PREX1: variants seen among roughly 807,000 people sequenced by gnomAD.
The protein encoded by PREX1 is phosphatidylinositol 3,4,5-trisphosphate-dependent Rac exchanger 1 protein.
PREX1 carries 41 observed loss-of-function variants against 198.3 expected under a neutral mutation model. That is an observed-to-expected ratio of 0.21 (90% CI 0.16 to 0.27). The LOEUF (loss-of-function observed/expected upper bound fraction) is 0.27, where lower values mean the gene tolerates loss of function less well. PREX1 is among the 10% of genes least tolerant of loss of function. PREX1 has a pLI of 1.00. For synonymous variants in PREX1, 843 were observed against 887.2 expected (o/e 0.95, Z 0.89); for missense variants, 1,620 against 2,200.7 (o/e 0.74, Z 5.28).
At chr20:48,807,158 C>T (rs933577373) in intron 1 of PREX1, among the ~76,000 whole-genome samples, 1 of 152,086 alleles carries the variant, frequency 6.6e-6, no homozygotes, top group Non-Finnish European at 1.5e-5. Flanking sequence ...TGTAGCAATG[C>T]CAAAAAAGTA....
At chr20:48,725,945 A>G (rs953866692) in intron 5 of PREX1, among the ~76,000 whole-genome samples, 1 of 152,236 alleles carries the variant, frequency 6.6e-6, no homozygotes, top group Non-Finnish European at 1.5e-5. Flanking sequence ...CTCAGGCCCA[A>G]ACCATTTGGC....
intron 1 of PREX1, among the ~76,000 whole-genome samples, chr20:48,764,242 G>T (rs1047476914): frequency 1.3e-5 from 2 of 152,186 alleles, no homozygotes; most frequent in African/African-American, 4.8e-5. Context: ...GAACTTGCAG[G>T]ACAGAAAGGA....
chr20:48,635,412 A>G (rs181739771), intron 32 of PREX1, among the ~76,000 whole-genome samples: 64 of 152,230 alleles, frequency 4.2e-4, no homozygotes, highest in African/African-American at 1.5e-3. Context: ...CCCAAATTAT[A>G]TCACTCACCC....
intron 1 of PREX1, among the ~76,000 whole-genome samples, chr20:48,786,251 A>G (rs1452283159): frequency 1.3e-5 from 2 of 152,136 alleles, no homozygotes; most frequent in African/African-American, 4.8e-5. Context: ...TGGAGGACAA[A>G]TAAGCAACAA....
At chr20:48,775,097 C>T (rs920936735) in intron 1 of PREX1, among the ~76,000 whole-genome samples, 1 of 152,218 alleles carries the variant, frequency 6.6e-6, no homozygotes, top group African/African-American at 2.4e-5. Context: ...GCTCCTGCAT[C>T]CCTGACCACA....
At chr20:48,709,079 C>T (rs897328781) in intron 5 of PREX1, among the ~76,000 whole-genome samples, 2 of 152,106 alleles carry the variant, frequency 1.3e-5, no homozygotes, top group African/African-American at 4.8e-5. Context: ...TGGGACATTG[C>T]AAAGGCCAGG....
chr20:48,877,450 C>T, the PREX1 span, among the ~76,000 whole-genome samples: 8 of 152,152 alleles, frequency 5.3e-5, no homozygotes. Context: ...CAGTTAGATT[C>T]TAACTCAGTG....
chr20:48,862,793 A>ATT, the PREX1 span, among the ~76,000 whole-genome samples: 1 of 113,024 alleles, frequency 8.8e-6, no homozygotes, highest in Non-Finnish European at 2.0e-5. Flanking sequence ...AAAAAAAAAT[A>ATT]TATATATATA....
At chr20:48,818,355 T>C (rs1054732339) in intron 1 of PREX1, among the ~76,000 whole-genome samples, 3 of 152,312 alleles carry the variant, frequency 2.0e-5, no homozygotes, top group African/African-American at 7.2e-5. Context: ...TAAAACTTTA[T>C]GGGGAAAAAG....
chr20:48,663,179 T>C (rs1392744510), intron 15 of PREX1, among the ~76,000 whole-genome samples: 1 of 152,134 alleles, frequency 6.6e-6, no homozygotes, highest in East Asian at 1.9e-4. Context: ...AGGAGGGGAA[T>C]GCAAGGCCTC....
intron 1 of PREX1, among the ~76,000 whole-genome samples, chr20:48,788,443 C>T (rs1281090608): frequency 4.6e-5 from 7 of 152,122 alleles, no homozygotes; most frequent in Admixed American, 3.9e-4. Flanking sequence ...TCTTTGGCCA[C>T]CAGCTTCTAT....
intron 30 of PREX1, among the ~76,000 whole-genome samples, chr20:48,639,032 G>C (rs1289690657): frequency 1.3e-5 from 2 of 152,248 alleles, no homozygotes; most frequent in Non-Finnish European, 2.9e-5. Flanking sequence ...ATCTCCCACT[G>C]TCCTGGTCAA....
chr20:48,838,425 C>A, the PREX1 span, among the ~76,000 whole-genome samples: 2 of 152,138 alleles, frequency 1.3e-5, no homozygotes, highest in Non-Finnish European at 2.9e-5. Context: ...AGACAAACTT[C>A]GATGCGCAAA....
At chr20:48,683,111 C>A (rs1216672274) in intron 10 of PREX1, among the ~76,000 whole-genome samples, 1 of 152,192 alleles carries the variant, frequency 6.6e-6, no homozygotes, top group South Asian at 2.1e-4. Context: ...GTTCCATTCT[C>A]AAAGTCTTGG....
rs370127645 is a variant in PREX1 at position 48,827,616 on chromosome 20, TC to T, written c.219+25del. On this transcript the variant is annotated intron_variant, in intron 1 of 39. Transcript: ENST00000371941. This position sits in a 1 kb window ranked among gnomAD's most constrained non-coding sequence, Gnocchi z 4.1. Reference sequence around the variant, plus strand: ...GGGCGAGCGGCTGGAGGGAAAGCTGTCCCCAAGCTCCCGAGCGACACTCACC... The same window carrying T: ...GGGCGAGCGGCTGGAGGGAAAGCTGTCCCAAGCTCCCGAGCGACACTCACC... The T allele has an allele frequency of 8.0e-7, 1 of 1,256,882 alleles. No homozygotes were observed. Among genetic ancestry groups the T allele is most frequent in the Non-Finnish European group, 1.0e-6 (1 of 988,522 alleles). 77.9% of individuals were successfully genotyped at this position (1,256,882 alleles called of 1,614,324 possible).
chr20:48,769,681 G>A (rs150195579), intron 1 of PREX1, among the ~76,000 whole-genome samples: 57 of 152,198 alleles, frequency 3.7e-4, no homozygotes, highest in Admixed American at 1.3e-3. Flanking sequence ...TGCCTGGAAC[G>A]CCTGTCACCA....
chr20:48,818,520 G>T (rs918360566), intron 1 of PREX1, among the ~76,000 whole-genome samples: 3 of 152,240 alleles, frequency 2.0e-5, no homozygotes, highest in Admixed American at 6.5e-5. Context: ...AACAGAATGC[G>T]GGAGGCCAGG....
At chr20:48,671,914 C>T (rs1312505367) in intron 14 of PREX1, among the ~76,000 whole-genome samples, 2 of 152,236 alleles carry the variant, frequency 1.3e-5, no homozygotes, top group Non-Finnish European at 2.9e-5. Context: ...GGACACATTG[C>T]ATGGTCGGCT....
At chr20:48,773,393 C>A (rs533356659) in intron 1 of PREX1, among the ~76,000 whole-genome samples, 31 of 152,330 alleles carry the variant, frequency 2.0e-4, no homozygotes, top group African/African-American at 6.7e-4. Flanking sequence ...TCCAAGTGCC[C>A]CACACTAGCC....
Sources: allele counts gnomAD v4.1 joint callset (sites outside exome capture counted in the v4.1 genomes callset), GRCh38; gene constraint gnomAD v4.1.1; non-coding constraint Gnocchi (gnomAD v3.1); transcripts MANE v1.5; gene names NCBI Gene and HGNC (gene_info 2026-07-23, HGNC 2026-07-21).